OPCML: variants seen among roughly 807,000 people sequenced by gnomAD.
The protein encoded by OPCML is opioid-binding protein/cell adhesion molecule.
OPCML carries 13 observed loss-of-function variants against 37.8 expected under a neutral mutation model. That is an observed-to-expected ratio of 0.34 (90% CI 0.22 to 0.55). OPCML has a LOEUF of 0.55. Among genes scored for constraint, OPCML ranks in the 20% least tolerant of loss-of-function variants. The pLI, the probability that OPCML is intolerant of heterozygous loss-of-function variation, is 0.91. For missense variants in OPCML, 341 were observed against 435.6 expected, an observed-to-expected ratio of 0.78 and a Z score of 1.93; for synonymous variants, 176 against 168.8, an observed-to-expected ratio of 1.04 and a Z score of -0.33.
intron 3 of OPCML, among the ~76,000 whole-genome samples, chr11:132,561,003 A>G (rs1459381092): frequency 2.0e-5 from 3 of 152,146 alleles, no homozygotes; most frequent in African/African-American, 7.2e-5. Context: ...GCCAGTGTCT[A>G]GAAGAGTTTT....
At chr11:132,424,517 G>T (rs2095971498) in intron 7 of OPCML, among the ~76,000 whole-genome samples, 1 of 152,166 alleles carries the variant, frequency 6.6e-6, no homozygotes, top group Non-Finnish European at 1.5e-5. Flanking sequence ...CGAAGGAGCA[G>T]ACTTCCTGGA....
In OPCML at chr11:132,654,064, A is replaced by C. The variant is rs116740676; in HGVS notation, c.379+3023T>G. Among the ~76,000 whole-genome samples the C allele has an allele frequency of 7.3e-3, 1,115 of 152,324 alleles. 16 individuals carry two copies. The highest frequency in any genetic ancestry group is 0.025 in the African/African-American group (1,040 of 41,564). On this transcript the variant is annotated intron_variant, in intron 3 of 7. Coordinates refer to ENST00000524381, the MANE Select transcript of OPCML (RefSeq NM_001012393.5). Reference sequence around the variant, plus strand: ...CTTTCATTATCTTTATCTAACCTGAACTAACACTATGTCTGAAAAATTAAT... The same window carrying C: ...CTTTCATTATCTTTATCTAACCTGACCTAACACTATGTCTGAAAAATTAAT...
At chr11:133,209,520 T>G (rs1939261646) in intron 1 of OPCML, among the ~76,000 whole-genome samples, 1 of 152,224 alleles carries the variant, frequency 6.6e-6, no homozygotes, top group South Asian at 2.1e-4. Context: ...CTATCATTCT[T>G]CAGAGGGAAG....
intron 1 of OPCML, among the ~76,000 whole-genome samples, chr11:132,979,567 C>T (rs1161216197): frequency 6.6e-6 from 1 of 152,262 alleles, no homozygotes; most frequent in Non-Finnish European, 1.5e-5. Flanking sequence ...CCCACGGTCT[C>T]TTCCCTCCTC....
intron 2 of OPCML, among the ~76,000 whole-genome samples, chr11:132,863,203 C>A (rs1942380512): frequency 6.6e-6 from 1 of 152,182 alleles, no homozygotes; most frequent in East Asian, 1.9e-4. Context: ...GATGTGTTTG[C>A]AGCAGAAAAT....
chr11:133,139,670 T>C (rs1278489941), intron 1 of OPCML, among the ~76,000 whole-genome samples: 1 of 152,196 alleles, frequency 6.6e-6, no homozygotes, highest in Non-Finnish European at 1.5e-5. Context: ...ATTTAGGAGC[T>C]ATGGGAACAG....
chr11:132,972,290 A>G (rs1156697803), intron 1 of OPCML, among the ~76,000 whole-genome samples: 1 of 152,198 alleles, frequency 6.6e-6, no homozygotes, highest in Non-Finnish European at 1.5e-5. Context: ...CCTCTTGATG[A>G]CTGGGCAAGC....
chr11:132,994,012 G>C (rs1034488901), intron 1 of OPCML, among the ~76,000 whole-genome samples: 1 of 152,226 alleles, frequency 6.6e-6, no homozygotes, highest in Non-Finnish European at 1.5e-5. Flanking sequence ...GCAGGGAGAC[G>C]TCTGGATGTG....
intron 7 of OPCML, among the ~76,000 whole-genome samples, chr11:132,430,500 C>T (rs186303049): frequency 6.6e-6 from 1 of 152,320 alleles, no homozygotes; most frequent in East Asian, 1.9e-4. Context: ...ATAGAGATTA[C>T]GCCCTCATGG....
chr11:133,015,192 A>G (rs1356539046), intron 1 of OPCML, among the ~76,000 whole-genome samples: 8 of 152,182 alleles, frequency 5.3e-5, no homozygotes, highest in Admixed American at 5.2e-4. Context: ...TGATAGAGTG[A>G]TAGATCAATT....
chr11:132,549,319 G>C (rs910179792), intron 3 of OPCML, among the ~76,000 whole-genome samples: 1 of 152,180 alleles, frequency 6.6e-6, no homozygotes, highest in Non-Finnish European at 1.5e-5. Flanking sequence ...TGGTCTAAAA[G>C]GGGGAGGAAC....
intron 2 of OPCML, among the ~76,000 whole-genome samples, chr11:132,657,764 A>T (rs2135774927): frequency 6.6e-6 from 1 of 152,236 alleles, no homozygotes; most frequent in Non-Finnish European, 1.5e-5. Flanking sequence ...AATTGAACAT[A>T]TTTACCTCCA....
chr11:132,831,803 C>T (rs78586079), intron 2 of OPCML, among the ~76,000 whole-genome samples: 267 of 152,060 alleles, frequency 1.8e-3, no homozygotes, highest in African/African-American at 6.3e-3. Context: ...CCTGTACAAA[C>T]CTTGTGGCAA....
intron 1 of OPCML, among the ~76,000 whole-genome samples, chr11:133,143,521 G>A (rs1949855248): frequency 6.6e-6 from 1 of 152,088 alleles, no homozygotes; most frequent in Admixed American, 6.5e-5. Flanking sequence ...TGTGACATGT[G>A]AGAAAGGAAC....
chr11:132,521,762 A>G (rs563954), intron 4 of OPCML, among the ~76,000 whole-genome samples: 59,691 of 152,040 alleles, frequency 0.39, 14,269 homozygotes, highest in Non-Finnish European at 0.54. Flanking sequence ...CCAGAACTTA[A>G]AGTAAATTAA....
intron 2 of OPCML, among the ~76,000 whole-genome samples, chr11:132,728,321 C>G (rs1365262539): frequency 6.6e-6 from 1 of 152,166 alleles, no homozygotes; most frequent in East Asian, 1.9e-4. Flanking sequence ...TTTGATCTCT[C>G]TTTCAAGCGG....
intron 1 of OPCML, among the ~76,000 whole-genome samples, chr11:133,401,984 G>A (rs755041297): frequency 9.9e-5 from 15 of 152,172 alleles, no homozygotes; most frequent in Admixed American, 2.6e-4. Context: ...ACTGGGCCGC[G>A]AGCAAGTCAA....
At chr11:133,269,083 A>T (rs531144284) in intron 1 of OPCML, among the ~76,000 whole-genome samples, 1 of 152,302 alleles carries the variant, frequency 6.6e-6, no homozygotes, top group South Asian at 2.1e-4. Context: ...ACAGGTTCAG[A>T]TGGGGAGTCT....
At chr11:133,495,348 G>T (rs1436847063) in intron 1 of OPCML, among the ~76,000 whole-genome samples, 1 of 152,158 alleles carries the variant, frequency 6.6e-6, no homozygotes, top group Admixed American at 6.5e-5. Flanking sequence ...ATTGTGAATT[G>T]CACTGCTATA....
Sources: gnomAD v4.1 joint callset for allele counts (sites outside exome capture counted in the v4.1 genomes callset) on GRCh38, gnomAD v4.1.1 for gene constraint, MANE v1.5 for transcripts, NCBI Gene and HGNC (gene_info 2026-07-23, HGNC 2026-07-21) for gene names.